The following DLAT variants were observed in gnomAD, a reference collection of about 807,000 sequenced individuals.
DLAT encodes dihydrolipoyllysine-residue acetyltransferase component of pyruvate dehydrogenase complex, mitochondrial.
Under a neutral mutation model 68.0 loss-of-function variants are expected in DLAT, and 43 were observed. The ratio of observed to expected loss-of-function variants is 0.63; its 90% CI spans 0.50 to 0.81. DLAT has a LOEUF of 0.81. DLAT is among the 40% of genes least tolerant of loss of function. The pLI, the probability that DLAT is intolerant of heterozygous loss-of-function variation, is 0.00. For synonymous variants in DLAT, 265 were observed against 288.6 expected, an observed-to-expected ratio of 0.92 and a Z score of 0.83; for missense variants, 745 against 815.4, an observed-to-expected ratio of 0.91 and a Z score of 1.05.
chr11:112,039,990 G>A (rs1352979330), intron 7 of DLAT, among the ~76,000 whole-genome samples: 1 of 152,136 alleles, frequency 6.6e-6, no homozygotes, highest in Admixed American at 6.5e-5. Context: ...TACTTAGATT[G>A]TATGTCCTTA....
At position 112,064,214 on chromosome 11, in the gene DLAT, G is replaced by A. The variant is rs1335499284; in HGVS notation, c.*1679G>A. ...ATCTTTCGCTAATGCTTGTGGTTCT[G>A]TTGTTCCCTTGAAAAAAAATAAAAA... On this transcript the variant is annotated 3_prime_UTR_variant, in exon 14 of 14. Coordinates refer to ENST00000280346, the MANE Select transcript of DLAT (RefSeq NM_001931.5). 1 of 1,561,328 alleles carries A rather than the reference G, an allele frequency of 6.4e-7. No homozygotes were observed. Among genetic ancestry groups the A allele is most frequent in the East Asian group, 2.3e-5 (1 of 43,588 alleles).
At chr11:112,038,706 C>T (rs1231718384) in intron 6 of DLAT, among the ~76,000 whole-genome samples, 5 of 150,628 alleles carry the variant, frequency 3.3e-5, no homozygotes, top group African/African-American at 7.3e-5. Flanking sequence ...ATTAGCTGGG[C>T]GTGGTGGTGC....
At position 112,051,412 on chromosome 11, in the gene DLAT, G is replaced by A; in HGVS notation, c.1514+63G>A. 1 of 1,210,350 alleles carries A rather than the reference G, an allele frequency of 8.3e-7. No homozygotes were observed. The highest frequency in any genetic ancestry group is 1.5e-5 in the African/African-American group (1 of 67,196). 75.0% of individuals were successfully genotyped at this position (1,210,350 alleles called of 1,614,324 possible). On this transcript the variant is annotated intron_variant, in intron 11 of 13. Coordinates refer to ENST00000280346, the MANE Select transcript of DLAT (RefSeq NM_001931.5). This position sits in a 1 kb window ranked among gnomAD's most constrained non-coding sequence, Gnocchi z 4.3. ...TTTTCTTGTATTATTTAATGTGTGA[G>A]TGGAGTTGAGGGGATAAGGAGAAAT...
intron 5 of DLAT, among the ~76,000 whole-genome samples, chr11:112,034,744 A>G (rs6589259): frequency 0.34 from 51,513 of 150,442 alleles, 9,244 homozygotes; most frequent in East Asian, 0.59. Context: ...GATTTGTAGT[A>G]TTATGAATTT....
rs1233256547 is a variant in DLAT, at chr11:112,051,606, G to T, written c.1514+257G>T. 1.3e-5 allele frequency among the ~76,000 whole-genome samples: 2 copies of T among 152,008 alleles called. No homozygotes were observed. Among genetic ancestry groups the T allele is most frequent in the African/African-American group, 2.4e-5 (1 of 41,396 alleles). ...TTGATTTATTTTTTAAAGAGATAGGGTCTTGCTCTGTTGTCCAGGCTGGTC... is the reference window on the plus strand; with the variant it reads ...TTGATTTATTTTTTAAAGAGATAGGTTCTTGCTCTGTTGTCCAGGCTGGTC... On this transcript the variant is annotated intron_variant, in intron 11 of 13. Coordinates refer to ENST00000280346, the MANE Select transcript of DLAT (RefSeq NM_001931.5). The surrounding 1 kb of genome is among the most constrained non-coding windows in gnomAD (Gnocchi z 4.3).
At position 112,051,961 on chromosome 11, in the gene DLAT, CT is replaced by C. The variant is rs1863666340; in HGVS notation, c.1514+614del. ...TATCTCATTCAATTCTCATGACTAT[CT>C]TATGATTTAAGTGCTTTCACTTCCA... On this transcript the variant is annotated intron_variant, in intron 11 of 13. Transcript: ENST00000280346. This position sits in a 1 kb window ranked among gnomAD's most constrained non-coding sequence, Gnocchi z 4.3. 6.6e-6 allele frequency among the ~76,000 whole-genome samples: 1 copy of C among 152,078 alleles called. No homozygotes were observed. The highest frequency in any genetic ancestry group is 2.4e-5 in the African/African-American group (1 of 41,416).
rs1864451343 is a variant in DLAT at position 112,059,925 on chromosome 11, G to A, written c.1537G>A (p.Val513Ile). 1 of 1,611,258 alleles carries A rather than the reference G, an allele frequency of 6.2e-7. No individual in the cohort carries two copies. Among genetic ancestry groups the A allele is most frequent in the Non-Finnish European group, 8.5e-7 (1 of 1,178,860 alleles). The change falls in exon 12 of 14, where the codon GTT becomes ATT. Residue 513 changes from valine to isoleucine, a missense_variant. Val to Ile is a conservative substitution (Grantham distance 29, BLOSUM62 3). Coordinates refer to ENST00000280346, the MANE Select transcript of DLAT (RefSeq NM_001931.5). ...IRQNHVVDVS[V>I]AVSTPAGLIT... ...CAGAAATCATGTTGTTGATGTCAGT[G>A]TTGCGGTCAGTACTCCTGCAGGACT...
At chr11:112,028,040 C>T (rs1350536275) in intron 2 of DLAT, among the ~76,000 whole-genome samples, 1 of 152,176 alleles carries the variant, frequency 6.6e-6, no homozygotes, top group Admixed American at 6.5e-5. Context: ...TGTGTAGCTA[C>T]CCCTTTGTTT....
intron 11 of DLAT, among the ~76,000 whole-genome samples, chr11:112,053,914 G>A (rs1863822696): frequency 6.6e-6 from 1 of 151,878 alleles, no homozygotes; most frequent in Non-Finnish European, 1.5e-5. Flanking sequence ...CTCCAGTCTT[G>A]GGACTAGAGA....
At chr11:112,059,528 C>A (rs1322336177) in intron 11 of DLAT, among the ~76,000 whole-genome samples, 1 of 151,890 alleles carries the variant, frequency 6.6e-6, no homozygotes, top group Non-Finnish European at 1.5e-5. Flanking sequence ...GAGTAGCTGG[C>A]ACTACAGCTG....
chr11:112,037,175 C>T, intron 5 of DLAT, 98 bp from the exon 6 acceptor site: 3 of 1,225,198 alleles, frequency 2.4e-6, no homozygotes, highest in Admixed American at 3.8e-5. Flanking sequence ...ATATAGCTAG[C>T]TTGAATGAGA....
At position 112,063,929 on chromosome 11, in the gene DLAT, C is replaced by A. The variant is rs966514230; in HGVS notation, c.*1394C>A. The A allele has an allele frequency of 2.6e-5, 10 of 379,878 alleles. No homozygotes were observed. Among genetic ancestry groups the A allele is most frequent in the African/African-American group, 1.0e-4 (5 of 47,796 alleles). The allele number at this position is 379,878 out of a possible 1,614,324, so 23.5% of individuals were successfully genotyped here. Reference sequence around the variant, plus strand: ...GGTATATGTAATATGTGGAGTTAGCCCCTGAAATTTGCTTTAAGTGTTTCA... The same window carrying A: ...GGTATATGTAATATGTGGAGTTAGCACCTGAAATTTGCTTTAAGTGTTTCA... On this transcript the variant is annotated 3_prime_UTR_variant, in exon 14 of 14. Coordinates refer to ENST00000280346, the MANE Select transcript of DLAT (RefSeq NM_001931.5).
chr11:112,064,284 G>T lies in DLAT; in HGVS notation c.*1749G>T. 2 of 1,390,426 alleles carry T rather than the reference G, an allele frequency of 1.4e-6. No individual in the cohort carries two copies. The highest frequency in any genetic ancestry group is 1.9e-6 in the Non-Finnish European group (2 of 1,033,554). 86.1% of individuals were successfully genotyped at this position (1,390,426 alleles called of 1,614,324 possible). ...ATTGTTGAGTTAAAAATTAATCTGAGCTATAATCTAAATCGATTCAGTCTC... is the reference window on the plus strand; with the variant it reads ...ATTGTTGAGTTAAAAATTAATCTGATCTATAATCTAAATCGATTCAGTCTC... On this transcript the variant is annotated 3_prime_UTR_variant, in exon 14 of 14. Transcript: ENST00000280346.
chr11:112,050,827 C>T (rs1863577903), intron 10 of DLAT, among the ~76,000 whole-genome samples: 1 of 152,158 alleles, frequency 6.6e-6, no homozygotes, highest in Admixed American at 6.6e-5. Context: ...GATGACATAA[C>T]ATACTGTAAC....
chr11:112,033,012 C>T lies in DLAT; in HGVS notation c.661-392C>T, dbSNP rs182452593. On this transcript the variant is annotated intron_variant, in intron 4 of 13. Transcript: ENST00000280346. Reference sequence around the variant, plus strand: ...CCAGGAGGTGGAGGTTGCAGTGAGCCGAGATTGCGCCATTGCTCTCCAGCC... The same window carrying T: ...CCAGGAGGTGGAGGTTGCAGTGAGCTGAGATTGCGCCATTGCTCTCCAGCC... 3.9e-5 allele frequency among the ~76,000 whole-genome samples: 6 copies of T among 152,022 alleles called. No individual in the cohort carries two copies. The East Asian group carries it at 1.2e-3, about 29-fold the overall frequency.
chr11:112,048,946 C>T (rs1396631724), intron 10 of DLAT, among the ~76,000 whole-genome samples: 3 of 142,008 alleles, frequency 2.1e-5, no homozygotes, highest in South Asian at 4.6e-4. Context: ...AAACGTGAGT[C>T]ATCTTTGTTC....
At chr11:112,026,662 A>G (rs1311570494) in intron 2 of DLAT, among the ~76,000 whole-genome samples, 1 of 152,214 alleles carries the variant, frequency 6.6e-6, no homozygotes, top group African/African-American at 2.4e-5. Flanking sequence ...GATCAACAGG[A>G]TAAGAATTTT....
At chr11:112,032,000 C>T (rs1247887365) in intron 4 of DLAT, among the ~76,000 whole-genome samples, 1 of 148,672 alleles carries the variant, frequency 6.7e-6, no homozygotes, top group African/African-American at 2.5e-5. Context: ...CATGCCTCAG[C>T]CTCCTGAGTA....
At chr11:112,026,001 C>G (rs186711444) in intron 1 of DLAT, among the ~76,000 whole-genome samples, 197 bp from the exon 2 acceptor site, 26 of 152,348 alleles carry the variant, frequency 1.7e-4, no homozygotes, top group Non-Finnish European at 2.8e-4. Flanking sequence ...GTCAGACCCA[C>G]AGGACTGTGG....
Sources: allele counts gnomAD v4.1 joint callset (sites outside exome capture counted in the v4.1 genomes callset), GRCh38; gene constraint gnomAD v4.1.1; non-coding constraint Gnocchi (gnomAD v3.1); transcripts MANE v1.5; gene names NCBI Gene and HGNC (gene_info 2026-07-23, HGNC 2026-07-21).